The following PCDHA1 variants were observed in gnomAD, a reference collection of about 807,000 sequenced individuals.
The protein encoded by PCDHA1 is protocadherin alpha 1.
A neutral mutation model predicts 61.3 loss-of-function variants in PCDHA1; 42 were observed. That is an observed-to-expected ratio of 0.69 (90% confidence interval 0.54 to 0.89). The LOEUF is 0.89. PCDHA1 is among the 40% of genes least tolerant of loss of function. The probability of loss-of-function intolerance (pLI) is 0.00; values close to 1 mark genes in which losing one functional copy is unlikely to be tolerated. For synonymous variants in PCDHA1, 610 were observed against 553.8 expected (o/e 1.10, Z -1.43); for missense variants, 1,256 against 1,235.3 (o/e 1.02, Z -0.25).
chr5:140,981,042 C>A (rs782145088), intron 2 of PCDHA1, among the ~76,000 whole-genome samples: 22 of 151,970 alleles, frequency 1.4e-4, no homozygotes, highest in Non-Finnish European at 2.9e-4. Flanking sequence ...GGAAAAAAAA[C>A]AGATAATTCT....
rs183413454 is a variant in PCDHA1 at position 140,846,304 on chromosome 5, C to A, written c.2394+57620C>A. Among the ~76,000 whole-genome samples, 113 of 148,752 alleles carry A rather than the reference C, an allele frequency of 7.6e-4. 8 individuals are homozygous for A. Among genetic ancestry groups the A allele is most frequent in the African/African-American group, 2.6e-3 (105 of 40,780 alleles). On this transcript the variant is annotated intron_variant, in intron 1 of 3. Transcript: ENST00000504120. Reference sequence around the variant, plus strand: ...GTTGTAGTTCTATGAATTAAGTAAACCATTTATGTAGAGTGTTGTAAATAG... The same window carrying A: ...GTTGTAGTTCTATGAATTAAGTAAAACATTTATGTAGAGTGTTGTAAATAG...
At chr5:140,871,651 T>C (rs1415489448) in intron 1 of PCDHA1, 20 of 1,258,470 alleles carry the variant, frequency 1.6e-5, no homozygotes, top group Non-Finnish European at 1.9e-5. Flanking sequence ...TACCAAATGA[T>C]ACACATCTTC....
intron 1 of PCDHA1, chr5:140,800,897 T>G: frequency 2.6e-6 from 1 of 388,204 alleles, no homozygotes; most frequent in South Asian, 6.6e-5. Flanking sequence ...CTTTGAGGAG[T>G]GACCGAAGGA....
At chr5:140,817,150 A>C (rs1766074060) in intron 1 of PCDHA1, 1 of 152,244 alleles carries the variant, frequency 6.6e-6, no homozygotes, top group Non-Finnish European at 1.5e-5. Context: ...AGGTTCCATC[A>C]GTGCTCTGAG....
chr5:141,010,293 G>T lies in PCDHA1; in HGVS notation c.*356G>T. 6.5e-7 allele frequency: 1 copy of T among 1,549,794 alleles called. No homozygotes were observed. Among genetic ancestry groups the T allele is most frequent in the Non-Finnish European group, 8.7e-7 (1 of 1,146,454 alleles). On this transcript the variant is annotated 3_prime_UTR_variant, in exon 4 of 4. Coordinates refer to ENST00000504120, the MANE Select transcript of PCDHA1 (RefSeq NM_018900.4). ...ATCCTGTCTTGATGACACTTGCAGG[G>T]CAGGCTGAAAAGTTTTGAGATTGAG...
intron 1 of PCDHA1, chr5:140,863,957 G>A (rs2048253350): frequency 6.4e-6 from 1 of 157,074 alleles, no homozygotes; most frequent in Non-Finnish European, 1.4e-5. Flanking sequence ...GCCTAGATTA[G>A]GCCACTGCAC....
intron 1 of PCDHA1, chr5:140,796,368 C>T (rs1385360664): frequency 2.5e-6 from 4 of 1,613,296 alleles, no homozygotes; most frequent in Non-Finnish European, 3.4e-6. Flanking sequence ...AGGAGAACAA[C>T]CCGCCGGGCT....
intron 1 of PCDHA1, among the ~76,000 whole-genome samples, chr5:140,965,644 G>A (rs201197561): frequency 6.6e-6 from 1 of 152,028 alleles, no homozygotes; most frequent in African/African-American, 2.4e-5. Flanking sequence ...AATTACTCTT[G>A]AAAGAAAATG....
intron 1 of PCDHA1, among the ~76,000 whole-genome samples, chr5:140,910,210 G>A (rs987095100): frequency 6.6e-6 from 1 of 152,120 alleles, no homozygotes; most frequent in Non-Finnish European, 1.5e-5. Context: ...ACTTGACCTG[G>A]AAGTTTTCTG....
intron 1 of PCDHA1, chr5:140,824,044 G>A: frequency 1.2e-6 from 2 of 1,614,184 alleles, no homozygotes; most frequent in Non-Finnish European, 1.7e-6. Context: ...GAGACAGAGG[G>A]TGTGCTCTGG....
intron 1 of PCDHA1, chr5:140,926,544 C>G (rs9765406): frequency 0.16 from 35,740 of 221,378 alleles, 3,305 homozygotes; most frequent in African/African-American, 0.26. Context: ...GCGTGGTGGT[C>G]GAGACCCCAG....
rs1761353591 is a variant in PCDHA1 at position 140,787,141 on chromosome 5, G to A, written c.851G>A (p.Gly284Asp). 2 of 1,613,962 alleles carry A rather than the reference G, an allele frequency of 1.2e-6. No individual in the cohort carries two copies. The highest frequency in any genetic ancestry group is 2.2e-5 in the East Asian group (1 of 44,886). ...GAAGTCGTCTTTTCCTTTGACAGTGGTATTTCTCGTGACATTCAAGAAAAA... is the reference window on the plus strand; with the variant it reads ...GAAGTCGTCTTTTCCTTTGACAGTGATATTTCTCGTGACATTCAAGAAAAA... Reference protein sequence around the residue: ...NGEVVFSFDSGISRDIQEKFK... With the variant: ...NGEVVFSFDSDISRDIQEKFK... Residue 284 changes from glycine (G) to aspartate (D), a missense_variant, in exon 1 of 4, where the codon GGT becomes GAT. Transcript: ENST00000504120.
chr5:140,804,884 C>G (rs1763474759), intron 1 of PCDHA1: 6 of 629,668 alleles, frequency 9.5e-6, no homozygotes, highest in African/African-American at 1.9e-5. Context: ...CTTGACTCCT[C>G]TCCTTCCCCT....
chr5:140,843,177 G>C lies in PCDHA1; in HGVS notation c.2394+54493G>C. ...CTGCAGCCAGCTGCAAGCAGCCCTC[G>C]CATCCCGTTCCGCGTGGGGCTGTAC... On this transcript the variant is annotated intron_variant, in intron 1 of 3. Transcript: ENST00000504120. 3.1e-6 allele frequency: 5 copies of C among 1,596,056 alleles called. 2 individuals are homozygous for C. Among genetic ancestry groups the C allele is most frequent in the Non-Finnish European group, 4.3e-6 (5 of 1,165,590 alleles).
At chr5:140,828,665 A>T in intron 1 of PCDHA1, 1 of 1,614,220 alleles carries the variant, frequency 6.2e-7, no homozygotes, top group East Asian at 2.2e-5. Flanking sequence ...CAATAAACAA[A>T]TTGGGCTCTT....
chr5:140,834,611 G>C, intron 1 of PCDHA1: 1 of 1,614,162 alleles, frequency 6.2e-7, no homozygotes, highest in Non-Finnish European at 8.5e-7. Flanking sequence ...ATCTTCTGGA[G>C]GTAAATCTGC....
Position 140,946,631 on chromosome 5 carries a change from T to TATATATATATATATATATATATATAC in PCDHA1, c.2395-32317_2395-32316insTATATATATATATATATATATATACA, listed in dbSNP as rs57893927. ...TGTGAAATATATATATATATATATA[T>TATATATATATATATATATATATATAC]ACAATGGAATACTCATCAGCCATTA... On this transcript the variant is annotated intron_variant, in intron 1 of 3. Coordinates refer to ENST00000504120, the MANE Select transcript of PCDHA1 (RefSeq NM_018900.4). 3.1e-3 allele frequency among the ~76,000 whole-genome samples: 414 copies of TATATATATATATATATATATATATAC among 131,704 alleles called. 27 individuals carry two copies. Among genetic ancestry groups the TATATATATATATATATATATATATAC allele is most frequent in the African/African-American group, 0.013 (382 of 28,586 alleles). 86.4% of individuals were successfully genotyped at this position (131,704 alleles called of 152,430 possible). A position where few individuals can be genotyped will look rare whatever the true frequency, so the allele number is the denominator to read the frequency against.
chr5:140,807,475 C>T, intron 1 of PCDHA1: 1 of 1,612,934 alleles, frequency 6.2e-7, no homozygotes, highest in East Asian at 2.2e-5. Context: ...AGGAGCTGTG[C>T]CGGCGGAGCG....
intron 2 of PCDHA1, chr5:140,982,271 G>A: frequency 1.1e-6 from 1 of 930,566 alleles, no homozygotes; most frequent in South Asian, 1.9e-5. Flanking sequence ...TCCTGGAATA[G>A]TATAGCAGGC....
Sources: gnomAD v4.1 joint callset for allele counts (sites outside exome capture counted in the v4.1 genomes callset) on GRCh38, gnomAD v4.1.1 for gene constraint, MANE v1.5 for transcripts, NCBI Gene and HGNC (gene_info 2026-07-23, HGNC 2026-07-21) for gene names.